Variants in TBC1D19 observed in about 807,000 individuals in gnomAD.
The protein encoded by TBC1D19 is TBC1 domain family, member 19.
A neutral mutation model predicts 89.0 loss-of-function variants in TBC1D19; 60 were observed. That is an observed-to-expected ratio of 0.67 (90% CI 0.55 to 0.84). The LOEUF is 0.84. Among genes scored for constraint, TBC1D19 ranks in the 40% least tolerant of loss-of-function variants. TBC1D19 has a pLI of 0.00. For synonymous variants in TBC1D19, 189 were observed against 199.7 expected, an observed-to-expected ratio of 0.95 and a Z score of 0.45; for missense variants, 500 against 610.8, an observed-to-expected ratio of 0.82 and a Z score of 1.91.
the TBC1D19 span, among the ~76,000 whole-genome samples, chr4:26,811,450 C>T: frequency 7.3e-5 from 11 of 151,612 alleles, no homozygotes; most frequent in African/African-American, 1.7e-4. Flanking sequence ...TCATGAAGGA[C>T]GATATAAGTG....
the TBC1D19 span, among the ~76,000 whole-genome samples, chr4:26,853,102 A>G: frequency 6.6e-6 from 1 of 152,210 alleles, no homozygotes; most frequent in African/African-American, 2.4e-5. Context: ...CAGTGTTTCC[A>G]AACTCATTCA....
At chr4:26,665,321 A>G (rs1226762417) in intron 8 of TBC1D19, among the ~76,000 whole-genome samples, 2 of 152,210 alleles carry the variant, frequency 1.3e-5, no homozygotes, top group African/African-American at 4.8e-5. Context: ...CACTAACTTA[A>G]GTAATAATAG....
intron 4 of TBC1D19, among the ~76,000 whole-genome samples, chr4:26,622,438 A>G (rs1742017741): frequency 6.6e-6 from 1 of 152,022 alleles, no homozygotes; most frequent in Admixed American, 6.6e-5. Flanking sequence ...GGTAAATAAT[A>G]AGTCGACTCT....
chr4:26,700,505 T>G (rs1715230571), intron 13 of TBC1D19, among the ~76,000 whole-genome samples: 1 of 152,140 alleles, frequency 6.6e-6, no homozygotes. Flanking sequence ...AAGCTGAGAG[T>G]TTAGACTAAA....
chr4:26,735,639 G>T, intron 16 of TBC1D19, 152 bp downstream of exon 16: 2 of 585,032 alleles, frequency 3.4e-6, no homozygotes, highest in Non-Finnish European at 5.4e-6. Context: ...TCCCCATAGG[G>T]GCTTCATTTT....
rs1159734613 is a variant in TBC1D19 at position 26,632,535 on chromosome 4, G to C, written c.295-4676G>C. Among the ~76,000 whole-genome samples, 5 of 152,034 alleles carry C rather than the reference G, an allele frequency of 3.3e-5. No homozygotes were observed. The East Asian group carries it at 9.6e-4, about 29-fold the overall frequency. On this transcript the variant is annotated intron_variant, in intron 4 of 20. Transcript: ENST00000264866. ...ATCTTCACATTGAGTAGGCTGAGGAGGAGGAGGAAGAGGAAGGGTTGGTCT... is the reference window on the plus strand; with the variant it reads ...ATCTTCACATTGAGTAGGCTGAGGACGAGGAGGAAGAGGAAGGGTTGGTCT...
chr4:26,590,133 C>G (rs765454795), intron 1 of TBC1D19, among the ~76,000 whole-genome samples: 12 of 152,180 alleles, frequency 7.9e-5, no homozygotes, highest in Non-Finnish European at 1.5e-4. Context: ...TCCTTTTCCT[C>G]CTGTGCTCTG....
At chr4:26,592,089 A>G (rs904114407) in intron 1 of TBC1D19, among the ~76,000 whole-genome samples, 1 of 152,226 alleles carries the variant, frequency 6.6e-6, no homozygotes, top group Non-Finnish European at 1.5e-5. Context: ...AAAATCCTCA[A>G]TAAAATACTG....
At chr4:26,656,759 A>T (rs1744848474) in intron 7 of TBC1D19, among the ~76,000 whole-genome samples, 1 of 152,000 alleles carries the variant, frequency 6.6e-6, no homozygotes, top group Non-Finnish European at 1.5e-5. Flanking sequence ...GAGTCTCACG[A>T]TGTTGCCCAG....
the TBC1D19 span, among the ~76,000 whole-genome samples, chr4:26,820,359 C>G: frequency 1.3e-5 from 2 of 152,170 alleles, no homozygotes; most frequent in African/African-American, 2.4e-5. Context: ...ATCCTCCAAC[C>G]TGGACCCTAG....
chr4:26,650,982 C>G (rs1744325626), intron 7 of TBC1D19, among the ~76,000 whole-genome samples: 1 of 152,102 alleles, frequency 6.6e-6, no homozygotes, highest in Non-Finnish European at 1.5e-5. Flanking sequence ...AATCCTTTCC[C>G]CATTGCTGGT....
At chr4:26,783,403 G>A in the TBC1D19 span, among the ~76,000 whole-genome samples, 1 of 152,174 alleles carries the variant, frequency 6.6e-6, no homozygotes. Context: ...CACTGACAAT[G>A]ACTTGCCATA....
chr4:26,836,001 C>CTCTCTT, the TBC1D19 span, among the ~76,000 whole-genome samples: 12 of 151,312 alleles, frequency 7.9e-5, no homozygotes, highest in African/African-American at 2.9e-4. Flanking sequence ...CTCTCTCTCT[C>CTCTCTT]TCTCTATCAC....
chr4:26,637,338 A>G, intron 5 of TBC1D19, 53 bp downstream of exon 5: 1 of 1,307,886 alleles, frequency 7.6e-7, no homozygotes, highest in Non-Finnish European at 1.1e-6. Flanking sequence ...CAAATACAGA[A>G]AGTATCATGA....
At chr4:26,580,804 A>C (rs1042392389), upstream of TBC1D19, among the ~76,000 whole-genome samples, 1 of 152,190 alleles carries the variant, frequency 6.6e-6, no homozygotes, top group African/African-American at 2.4e-5. Flanking sequence ...AGGGTGTTTC[A>C]ATTTTGAGTT....
At chr4:26,747,931 A>G (rs1279845860) in intron 18 of TBC1D19, among the ~76,000 whole-genome samples, 1 of 152,198 alleles carries the variant, frequency 6.6e-6, no homozygotes, top group Non-Finnish European at 1.5e-5. Flanking sequence ...CCTTATACTC[A>G]TACTTGTTAT....
At chr4:26,852,937 C>T in the TBC1D19 span, among the ~76,000 whole-genome samples, 9 of 152,290 alleles carry the variant, frequency 5.9e-5, no homozygotes, top group South Asian at 1.9e-3. Context: ...CCACTTTTAA[C>T]CATCACTTCT....
intron 4 of TBC1D19, among the ~76,000 whole-genome samples, chr4:26,621,637 A>G (rs1361489992): frequency 6.6e-6 from 1 of 152,192 alleles, no homozygotes; most frequent in African/African-American, 2.4e-5. Flanking sequence ...TAAAAAAATC[A>G]TCAAAAAATT....
chr4:26,657,601 A>G (rs576114467), intron 7 of TBC1D19, among the ~76,000 whole-genome samples: 2 of 152,198 alleles, frequency 1.3e-5, no homozygotes, highest in East Asian at 3.8e-4. Flanking sequence ...GTATATACCC[A>G]GTAATGGGAT....
Sources: gnomAD v4.1 joint callset for allele counts (sites outside exome capture counted in the v4.1 genomes callset) on GRCh38, gnomAD v4.1.1 for gene constraint, MANE v1.5 for transcripts, NCBI Gene and HGNC (gene_info 2026-07-23, HGNC 2026-07-21) for gene names.